FGD5: variants seen among roughly 807,000 people sequenced by gnomAD.
FGD5 encodes the protein FYVE, RhoGEF and PH domain-containing protein 5.
In FGD5, 28 loss-of-function variants were observed where a neutral mutation model predicts 133.4. The observed-to-expected ratio is 0.21, with a 90% CI of 0.16 to 0.29. The LOEUF is 0.29. Ranked by LOEUF, FGD5 falls within the 10% of genes least tolerant of loss-of-function variation. FGD5 has a pLI of 1.00. For synonymous variants in FGD5, 810 were observed against 776.5 expected (o/e 1.04, Z -0.72); for missense variants, 1,858 against 1,895.2 (o/e 0.98, Z 0.36).
chr3:14,854,476 C>T (rs552025810), intron 1 of FGD5, among the ~76,000 whole-genome samples: 15 of 151,264 alleles, frequency 9.9e-5, no homozygotes, highest in East Asian at 3.9e-4. Context: ...ACTGCAGTGG[C>T]GTGATCATAG....
intron 8 of FGD5, 121 bp downstream of exon 8, chr3:14,900,574 G>C: frequency 1.7e-6 from 2 of 1,165,650 alleles, no homozygotes; most frequent in East Asian, 2.6e-5. Flanking sequence ...CAGCTGGGTG[G>C]GTTCTGCATA....
chr3:14,865,182 C>G (rs1379948707), intron 2 of FGD5, among the ~76,000 whole-genome samples: 1 of 133,076 alleles, frequency 7.5e-6, no homozygotes, highest in Non-Finnish European at 1.5e-5. Context: ...AAGAGTGAAG[C>G]GCCCCCTTCG....
At chr3:14,861,431 A>G (rs556987229) in intron 1 of FGD5, among the ~76,000 whole-genome samples, 1 of 152,296 alleles carries the variant, frequency 6.6e-6, no homozygotes, top group South Asian at 2.1e-4. Context: ...ACAGAAGTAA[A>G]ATAACAACAA....
chr3:14,828,571 C>G (rs990541871), intron 1 of FGD5, among the ~76,000 whole-genome samples: 1 of 152,162 alleles, frequency 6.6e-6, no homozygotes, highest in Non-Finnish European at 1.5e-5. Flanking sequence ...GTGAGCCTAG[C>G]CAGTTCCCTC....
In FGD5 at chr3:14,933,156, AGTG is replaced by A. The variant is rs763799726; in HGVS notation, c.4379_4381del (p.Ser1460_Val1461delinsMet). On this transcript the variant is annotated inframe_deletion, in exon 20 of 20. Transcript: ENST00000285046. The stretch of plus-strand genomic sequence containing the variant: ...GTGGATCGAGGCCATGGAAGATGCG[AGTG>A]TGTTATAGCAGTTATCAAGCATGTG... The A allele has an allele frequency of 6.2e-7, 1 of 1,613,658 alleles. No homozygotes were observed. The highest frequency in any genetic ancestry group is 1.7e-5 in the Admixed American group (1 of 59,996).
At chr3:14,861,406 G>T (rs538724843) in intron 1 of FGD5, among the ~76,000 whole-genome samples, 3 of 152,098 alleles carry the variant, frequency 2.0e-5, no homozygotes, top group African/African-American at 4.8e-5. Context: ...TCTCATCTCC[G>T]CACTCCACTG....
At position 14,820,599 on chromosome 3, in the gene FGD5, C is replaced by T. The variant is rs778355567; in HGVS notation, c.1528C>T (p.Pro510Ser). 4 of 1,608,092 alleles carry T rather than the reference C, an allele frequency of 2.5e-6. 1 individual carries two copies. Among genetic ancestry groups the T allele is most frequent in the Admixed American group, 1.7e-5 (1 of 59,324 alleles). The change falls in exon 1 of 20, where the codon CCT becomes TCT. Residue 510 changes from proline (P) to serine (S), a missense_variant. Pro to Ser is a moderately conservative substitution (Grantham distance 74). This residue lies in a region of FGD5 where 1,824 missense variants were observed against 1,848.9 expected (regional missense o/e 0.99). Transcript: ENST00000285046. ...CGGACCTGAGGCGGGCTCGTCAGCC[C>T]CTGGCATTGGAGGTGCCGCAGAGGA... ...ETGPEAGSSA[P>S]GIGGAAEEVG...
chr3:14,819,740 C>G lies in FGD5; in HGVS notation c.669C>G (p.Ser223Arg), dbSNP rs904206650. The change falls in exon 1 of 20, where the codon AGC (serine) becomes AGG (arginine). Residue 223 changes from serine (S) to arginine (R), a missense_variant. Transcript: ENST00000285046. The surrounding 1 kb of genome is among the most constrained non-coding windows in gnomAD (Gnocchi z 4.1). ...AGGATGATGAGGAAGGCTGTGCCAG[C>G]ACAGACCCAGCAGGGGCAGATGAGG... is the stretch of plus-strand genomic sequence containing the variant. Reference protein sequence around the residue: ...AEEDDEEGCASTDPAGADEGS... With the variant: ...AEEDDEEGCARTDPAGADEGS... 9 of 1,537,232 alleles carry G rather than the reference C, an allele frequency of 5.9e-6. No homozygotes were observed. Among genetic ancestry groups the G allele is most frequent in the Non-Finnish European group, 5.3e-6 (6 of 1,140,310 alleles).
At chr3:14,827,278 A>ATTCTTTTCTT (rs1553623018) in intron 1 of FGD5, among the ~76,000 whole-genome samples, 1 of 120,278 alleles carries the variant, frequency 8.3e-6, no homozygotes. Flanking sequence ...CATTTCTGGT[A>ATTCTTTTCTT]TTCTTTTTTT....
At chr3:14,832,368 GT>G in intron 1 of FGD5, among the ~76,000 whole-genome samples, 1 of 152,246 alleles carries the variant, frequency 6.6e-6, no homozygotes, top group African/African-American at 2.4e-5. Flanking sequence ...CATAGATGCT[GT>G]TTTTTTGTCT....
chr3:14,817,710 GC>G (rs1463473765), upstream of FGD5, among the ~76,000 whole-genome samples: 1 of 152,270 alleles, frequency 6.6e-6, no homozygotes, highest in East Asian at 1.9e-4. Flanking sequence ...TAGGAGCCAG[GC>G]TGTTATTTTG....
At chr3:14,923,021 A>G (rs2038718421) in intron 15 of FGD5, 25 bp from the exon 16 acceptor site, 1 of 1,613,442 alleles carries the variant, frequency 6.2e-7, no homozygotes, top group Non-Finnish European at 8.5e-7. Flanking sequence ...GAGAGGGGTG[A>G]GAATCTTCCC....
intron 1 of FGD5, among the ~76,000 whole-genome samples, chr3:14,863,401 G>A (rs1384529422): frequency 6.6e-6 from 1 of 152,204 alleles, no homozygotes; most frequent in Admixed American, 6.5e-5. Flanking sequence ...TTTGAGGACA[G>A]GGACCATGTC....
chr3:14,926,298 G>T, intron 18 of FGD5, 100 bp downstream of exon 18: 3 of 1,511,736 alleles, frequency 2.0e-6, no homozygotes, highest in Non-Finnish European at 1.8e-6. Context: ...GTGAGTCCTG[G>T]CTGCTGAGCC....
chr3:14,892,545 C>T (rs936627795), intron 4 of FGD5, among the ~76,000 whole-genome samples: 4 of 152,100 alleles, frequency 2.6e-5, no homozygotes, highest in East Asian at 1.9e-4. Flanking sequence ...AGGCCGGGCG[C>T]GGTGGCTCAT....
intron 2 of FGD5, among the ~76,000 whole-genome samples, chr3:14,864,466 C>T (rs1357772469): frequency 6.6e-6 from 1 of 152,192 alleles, no homozygotes; most frequent in East Asian, 1.9e-4. Context: ...AGGGCAACTG[C>T]TCATGCCGGT....
rs768214128 is a variant in FGD5, at chr3:14,864,246, A to G, written c.2644A>G (p.Ser882Gly). ...GGAGGACAGTGCTTCAAGAGACCCC[A>G]GTGTCACCCACAAGGTAGGGCACCC... ...EEEDSASRDP[S>G]VTHKVEGQSR... The change falls in exon 2 of 20, where the codon AGT (serine) becomes GGT (glycine). Residue 882 changes from serine to glycine, a missense_variant. Coordinates refer to ENST00000285046, the MANE Select transcript of FGD5 (RefSeq NM_152536.4). The G allele has an allele frequency of 8.7e-6, 14 of 1,613,864 alleles. No homozygotes were observed. The highest frequency in any genetic ancestry group is 1.1e-5 in the Non-Finnish European group (13 of 1,179,888).
intron 1 of FGD5, among the ~76,000 whole-genome samples, chr3:14,812,463 C>T (rs1219785552): frequency 1.3e-5 from 2 of 152,240 alleles, no homozygotes; most frequent in African/African-American, 4.8e-5. Flanking sequence ...CCTCCCTTCT[C>T]TGAGAATCTG....
At chr3:14,900,962 C>T (rs756208355) in intron 8 of FGD5, 41 bp from the exon 9 acceptor site, 26 of 1,612,674 alleles carry the variant, frequency 1.6e-5, no homozygotes, top group Non-Finnish European at 2.2e-5. Context: ...ATTGATGCCC[C>T]TCTTGCAATG....
Sources: gnomAD v4.1 joint callset for allele counts (sites outside exome capture counted in the v4.1 genomes callset) on GRCh38, gnomAD v4.1.1 for gene constraint, gnomAD v4.1.1 regional missense constraint, Gnocchi (gnomAD v3.1) non-coding constraint, MANE v1.5 for transcripts, NCBI Gene and HGNC (gene_info 2026-07-23, HGNC 2026-07-21) for gene names.